KCNMB2: variants seen among roughly 807,000 people sequenced by gnomAD.
The protein encoded by KCNMB2 is calcium-activated potassium channel subunit beta-2.
Under a neutral mutation model 24.5 loss-of-function variants are expected in KCNMB2, and 9 were observed. That is an observed-to-expected ratio of 0.37 (90% confidence interval 0.22 to 0.64). The LOEUF is 0.64. KCNMB2 is among the 30% of genes least tolerant of loss of function. The probability of loss-of-function intolerance (pLI) is 0.63; values close to 1 mark genes in which losing one functional copy is unlikely to be tolerated. For missense variants in KCNMB2, 226 were observed against 284.3 expected, an observed-to-expected ratio of 0.79 and a Z score of 1.47; for synonymous variants, 109 against 104.4, an observed-to-expected ratio of 1.04 and a Z score of -0.27.
intron 1 of KCNMB2, among the ~76,000 whole-genome samples, chr3:178,761,439 G>A (rs991893016): frequency 3.3e-5 from 5 of 152,188 alleles, no homozygotes; most frequent in Admixed American, 6.5e-5. Flanking sequence ...ATTTATCTGA[G>A]TCAACACTTC....
At chr3:178,558,227 T>G (rs1716191763) in intron 1 of KCNMB2, among the ~76,000 whole-genome samples, 4 of 152,318 alleles carry the variant, frequency 2.6e-5, no homozygotes, top group Admixed American at 2.6e-4. Context: ...CTGACTGTAA[T>G]AATTCAGTTG....
intron 1 of KCNMB2, among the ~76,000 whole-genome samples, chr3:178,758,073 T>G (rs1724238476): frequency 1.1e-5 from 1 of 87,234 alleles, no homozygotes; most frequent in African/African-American, 4.6e-5. Context: ...CAAGAGGATA[T>G]ATATATATAC....
At chr3:178,691,806 T>C (rs1721689398) in intron 1 of KCNMB2, among the ~76,000 whole-genome samples, 1 of 152,202 alleles carries the variant, frequency 6.6e-6, no homozygotes, top group African/African-American at 2.4e-5. Flanking sequence ...TTTCTGTCTT[T>C]AGGTATTTGA....
At chr3:178,713,436 A>C (rs1722516904) in intron 1 of KCNMB2, among the ~76,000 whole-genome samples, 1 of 152,230 alleles carries the variant, frequency 6.6e-6, no homozygotes. Flanking sequence ...ATTAAGAGAA[A>C]GATTTACCTA....
chr3:178,825,397 T>A (rs1271870145), intron 2 of KCNMB2, among the ~76,000 whole-genome samples, 191 bp from the exon 3 acceptor site: 3 of 152,110 alleles, frequency 2.0e-5, no homozygotes, highest in Non-Finnish European at 4.4e-5. Context: ...CATACAAGCG[T>A]GCATGTGCTT....
intron 1 of KCNMB2, among the ~76,000 whole-genome samples, chr3:178,803,266 C>T (rs575342047): frequency 6.6e-6 from 1 of 152,266 alleles, no homozygotes; most frequent in South Asian, 2.1e-4. Context: ...TTCATCAGGC[C>T]ATGTTGCCCT....
chr3:178,709,050 T>C (rs899501518), intron 1 of KCNMB2, among the ~76,000 whole-genome samples: 2 of 152,152 alleles, frequency 1.3e-5, no homozygotes, highest in African/African-American at 4.8e-5. Flanking sequence ...AAAATAGCAG[T>C]GTACTAGTTC....
intron 1 of KCNMB2, among the ~76,000 whole-genome samples, chr3:178,627,891 T>A (rs1210475013): frequency 6.6e-6 from 1 of 152,106 alleles, no homozygotes; most frequent in Non-Finnish European, 1.5e-5. Flanking sequence ...AATTTAAATT[T>A]TGATGGAAGG....
chr3:178,622,711 C>A (rs1342323748), intron 1 of KCNMB2, among the ~76,000 whole-genome samples: 1 of 152,202 alleles, frequency 6.6e-6, no homozygotes, highest in Non-Finnish European at 1.5e-5. Flanking sequence ...TGTTAAGTAG[C>A]CTCCCCCATA....
intron 2 of KCNMB2, among the ~76,000 whole-genome samples, chr3:178,823,407 T>G (rs567964361): frequency 6.6e-6 from 1 of 152,242 alleles, no homozygotes; most frequent in African/African-American, 2.4e-5. Flanking sequence ...CGTGAAATGA[T>G]GATAAACAAA....
intron 1 of KCNMB2, among the ~76,000 whole-genome samples, chr3:178,620,136 C>A (rs1718855617): frequency 6.6e-6 from 1 of 152,040 alleles, no homozygotes; most frequent in African/African-American, 2.4e-5. Context: ...ATGATATGTT[C>A]CTATGCTTGA....
chr3:178,672,133 A>G (rs747944397), intron 1 of KCNMB2, among the ~76,000 whole-genome samples: 1 of 152,210 alleles, frequency 6.6e-6, no homozygotes, highest in African/African-American at 2.4e-5. Context: ...GCACCCTGGA[A>G]ATAACACAAG....
chr3:178,808,038 T>C (rs1577204056), intron 2 of KCNMB2, among the ~76,000 whole-genome samples: 1 of 151,954 alleles, frequency 6.6e-6, no homozygotes, highest in South Asian at 2.1e-4. Context: ...AAACAGAAAG[T>C]ATGAGAGGAG....
intron 1 of KCNMB2, among the ~76,000 whole-genome samples, chr3:178,685,369 T>C (rs1365495275): frequency 2.0e-5 from 3 of 152,222 alleles, no homozygotes; most frequent in Admixed American, 1.3e-4. Context: ...GAGAATGCCT[T>C]TTGATAGCAT....
chr3:178,746,392 G>A (rs1398311991), intron 1 of KCNMB2, among the ~76,000 whole-genome samples: 3 of 152,030 alleles, frequency 2.0e-5, no homozygotes, highest in African/African-American at 7.2e-5. Flanking sequence ...ACACAGCTGG[G>A]GCCCAGTCCA....
chr3:178,704,964 T>C (rs1315698327), intron 1 of KCNMB2, among the ~76,000 whole-genome samples: 1 of 152,142 alleles, frequency 6.6e-6, no homozygotes, highest in African/African-American at 2.4e-5. Context: ...TCTAGGTATA[T>C]ACCACCATCA....
chr3:178,602,574 G>A (rs570564868), intron 1 of KCNMB2, among the ~76,000 whole-genome samples: 2 of 118,770 alleles, frequency 1.7e-5, no homozygotes, highest in South Asian at 2.6e-4. Context: ...GTTCGGGGGT[G>A]GGGGGGAGGA....
intron 1 of KCNMB2, among the ~76,000 whole-genome samples, chr3:178,575,812 T>C (rs566789290): frequency 6.6e-6 from 1 of 152,060 alleles, no homozygotes; most frequent in Non-Finnish European, 1.5e-5. Flanking sequence ...AGGGAAAAAA[T>C]TTTTATGTCC....
At chr3:178,615,528 A>G (rs531157001) in intron 1 of KCNMB2, among the ~76,000 whole-genome samples, 5 of 152,318 alleles carry the variant, frequency 3.3e-5, no homozygotes, top group African/African-American at 1.2e-4. Context: ...TCCAAAGGCA[A>G]AGGAGCCTCA....
Sources: allele counts gnomAD v4.1 joint callset (sites outside exome capture counted in the v4.1 genomes callset), GRCh38; gene constraint gnomAD v4.1.1; transcripts MANE v1.5; gene names NCBI Gene and HGNC (gene_info 2026-07-23, HGNC 2026-07-21).